Variants in KCNC1 observed in about 807,000 individuals in gnomAD.
KCNC1 encodes voltage-gated potassium channel KCNC1.
A neutral mutation model predicts 43.4 loss-of-function variants in KCNC1; 8 were observed. That is an observed-to-expected ratio of 0.18 (90% confidence interval 0.11 to 0.33). The LOEUF is 0.33. KCNC1 is among the 10% of genes least tolerant of loss of function. KCNC1 has a pLI of 1.00. For synonymous variants in KCNC1, 361 were observed against 360.5 expected (o/e 1.00, Z -0.01); for missense variants, 420 against 836.0 (o/e 0.50, Z 6.14).
intron 1 of KCNC1, among the ~76,000 whole-genome samples, chr11:17,760,683 C>G (rs1347228343): frequency 3.3e-5 from 5 of 152,210 alleles, no homozygotes; most frequent in African/African-American, 1.2e-4. Context: ...TGCCACCTCG[C>G]ATGGTGGGAC....
In KCNC1 at chr11:17,782,613, C is replaced by A. The variant is rs1446155032; in HGVS notation, c.*879C>A. 1 of 152,198 alleles carries A rather than the reference C, an allele frequency of 6.6e-6. No individual in the cohort carries two copies. Among genetic ancestry groups the A allele is most frequent in the African/African-American group, 2.4e-5 (1 of 41,452 alleles). The allele number at this position is 152,198 out of a possible 1,614,324, so 9.4% of individuals were successfully genotyped here. A position where few individuals can be genotyped will look rare whatever the true frequency, so the allele number is the denominator to read the frequency against. On this transcript the variant is annotated 3_prime_UTR_variant, in exon 4 of 4. Coordinates refer to ENST00000265969, the MANE Select transcript of KCNC1 (RefSeq NM_001112741.2). ...TCAGGACCACGGGAGGAGCAGCCTC[C>A]TCCACCTTTACTAAGGCACAACCTG... is the stretch of plus-strand genomic sequence containing the variant.
rs559308874 is a variant in KCNC1 at position 17,739,765 on chromosome 11, G to A, written c.570+3193G>A. 6.6e-6 allele frequency among the ~76,000 whole-genome samples: 1 copy of A among 152,134 alleles called. No individual in the cohort carries two copies. The highest frequency in any genetic ancestry group is 1.9e-4 in the East Asian group (1 of 5,170). ...TGGGGGTCCCTGTGTGTGACAGACTGTATGTGAAGGTGTGTGTAAGACAGA... is the reference window on the plus strand; with the variant it reads ...TGGGGGTCCCTGTGTGTGACAGACTATATGTGAAGGTGTGTGTAAGACAGA... On this transcript the variant is annotated intron_variant, in intron 1 of 3. Transcript: ENST00000265969. This position sits in a 1 kb window ranked among gnomAD's most constrained non-coding sequence, Gnocchi z 4.2.
chr11:17,753,076 C>G (rs1848986319), intron 1 of KCNC1, among the ~76,000 whole-genome samples: 1 of 152,246 alleles, frequency 6.6e-6, no homozygotes, highest in African/African-American at 2.4e-5. Context: ...CCTCCGTTGA[C>G]TTGCATGCAG....
intron 1 of KCNC1, among the ~76,000 whole-genome samples, chr11:17,763,704 C>A (rs1286824014): frequency 3.3e-5 from 4 of 119,642 alleles, no homozygotes; most frequent in African/African-American, 6.3e-5. Flanking sequence ...ACACCCTCAC[C>A]CACACACACC....
Position 17,779,876 on chromosome 11 carries a change from G to A in KCNC1, c.1693+232G>A. 5.0e-6 allele frequency: 2 copies of A among 403,210 alleles called. No homozygotes were observed. The highest frequency in any genetic ancestry group is 2.0e-5 in the African/African-American group (1 of 48,840). The allele number at this position is 403,210 out of a possible 1,614,324, so 25.0% of individuals were successfully genotyped here. ...GGCCCTGGCAGCTGTGGGTTGCTGGGAGTTGAGAGGGGATTGGACAGGTTG... is the reference window on the plus strand; with the variant it reads ...GGCCCTGGCAGCTGTGGGTTGCTGGAAGTTGAGAGGGGATTGGACAGGTTG... On this transcript the variant is annotated intron_variant, in intron 3 of 3. Transcript: ENST00000265969. The surrounding 1 kb of genome is among the most constrained non-coding windows in gnomAD (Gnocchi z 7.2).
chr11:17,740,936 C>G (rs543948570), intron 1 of KCNC1, among the ~76,000 whole-genome samples: 1 of 152,292 alleles, frequency 6.6e-6, no homozygotes, highest in Non-Finnish European at 1.5e-5. Flanking sequence ...CCAGCCGACA[C>G]AGGGCTCTTG....
At chr11:17,764,282 C>T (rs967421010) in intron 1 of KCNC1, among the ~76,000 whole-genome samples, 2 of 129,576 alleles carry the variant, frequency 1.5e-5, no homozygotes, top group Non-Finnish European at 1.5e-5. Context: ...AAGTTCCATA[C>T]ACACACTCAC....
At chr11:17,754,561 G>C (rs2299635) in intron 1 of KCNC1, among the ~76,000 whole-genome samples, 83,406 of 152,058 alleles carry the variant, frequency 0.55, 24,461 homozygotes, top group East Asian at 0.9. Context: ...ACTAGAGGGA[G>C]TGAGGCAAGT....
At chr11:17,762,648 G>C (rs1277226998) in intron 1 of KCNC1, among the ~76,000 whole-genome samples, 5 of 152,180 alleles carry the variant, frequency 3.3e-5, no homozygotes, top group Admixed American at 3.3e-4. Context: ...GGGCCTGAGG[G>C]ATGAGAGGGG....
rs2133808810 is a variant in KCNC1, at chr11:17,777,013, G to A, written c.1505-2443G>A. On this transcript the variant is annotated intron_variant, in intron 2 of 3. Transcript: ENST00000265969. The surrounding 1 kb of genome is among the most constrained non-coding windows in gnomAD (Gnocchi z 4.3). ...GCAGTAGGCCCTAGGGGTGTCCCGG[G>A]AATCCCCCAGGAGGGAAAGGTGCCA... 2 of 985,424 alleles carry A rather than the reference G, an allele frequency of 2.0e-6. No individual in the cohort carries two copies. Among genetic ancestry groups the A allele is most frequent in the South Asian group, 4.7e-5 (1 of 21,284 alleles). The allele number at this position is 985,424 out of a possible 1,614,324, so 61.0% of individuals were successfully genotyped here.
Position 17,779,454 on chromosome 11 carries a change from A to G in KCNC1, c.1505-2A>G. 1 of 1,540,484 alleles carries G rather than the reference A, an allele frequency of 6.5e-7. No homozygotes were observed. Among genetic ancestry groups the G allele is most frequent in the Non-Finnish European group, 8.8e-7 (1 of 1,142,342 alleles). ...CAATAGCTTCTGCTTATATGTTTGAAGATTCCAAACTGAATGGGGAGGTGG... is the reference window on the plus strand; with the variant it reads ...CAATAGCTTCTGCTTATATGTTTGAGGATTCCAAACTGAATGGGGAGGTGG... On this transcript the variant is annotated splice_acceptor_variant, in intron 2 of 3. Coordinates refer to ENST00000265969, the MANE Select transcript of KCNC1 (RefSeq NM_001112741.2). LOFTEE classifies it high-confidence loss of function. The surrounding 1 kb of genome is among the most constrained non-coding windows in gnomAD (Gnocchi z 7.2).
chr11:17,774,012 C>A (rs781363115), intron 2 of KCNC1: 22 of 985,412 alleles, frequency 2.2e-5, no homozygotes, highest in Non-Finnish European at 2.5e-5. Flanking sequence ...TGACCCACCA[C>A]CCCATCCCAA....
Position 17,735,920 on chromosome 11 carries a change from G to C in KCNC1, c.-83G>C. 1.5e-6 allele frequency: 2 copies of C among 1,361,870 alleles called. No homozygotes were observed. The highest frequency in any genetic ancestry group is 9.4e-7 in the Non-Finnish European group (1 of 1,060,054). 84.4% of individuals were successfully genotyped at this position (1,361,870 alleles called of 1,614,324 possible). ...GGGGGGAGGGGGGAAGAGGGCGCGC[G>C]CCCCCCTCCCCGGCGCCAACTCCCC... is the stretch of plus-strand genomic sequence containing the variant. On this transcript the variant is annotated 5_prime_UTR_variant, in exon 1 of 4. Transcript: ENST00000265969. This position sits in a 1 kb window ranked among gnomAD's most constrained non-coding sequence, Gnocchi z 6.7.
At chr11:17,746,065 A>C (rs1360451555) in intron 1 of KCNC1, among the ~76,000 whole-genome samples, 1 of 152,220 alleles carries the variant, frequency 6.6e-6, no homozygotes, top group Non-Finnish European at 1.5e-5. Flanking sequence ...TGAAAGAAAG[A>C]ATAAGCAAGT....
At chr11:17,754,046 A>T (rs1288417318) in intron 1 of KCNC1, among the ~76,000 whole-genome samples, 1 of 152,228 alleles carries the variant, frequency 6.6e-6, no homozygotes, top group Admixed American at 6.5e-5. Flanking sequence ...AATGACATGC[A>T]TCACTCATGT....
chr11:17,745,560 G>A (rs1486166303), intron 1 of KCNC1, among the ~76,000 whole-genome samples: 1 of 152,136 alleles, frequency 6.6e-6, no homozygotes, highest in East Asian at 1.9e-4. Context: ...ATCGGACCAA[G>A]TCAGCCCTCC....
intron 1 of KCNC1, among the ~76,000 whole-genome samples, chr11:17,741,327 T>C (rs748312410): frequency 4.6e-5 from 7 of 150,812 alleles, no homozygotes; most frequent in African/African-American, 7.3e-5. Flanking sequence ...CCTCACGAGG[T>C]TGGTGTGAAG....
chr11:17,772,462 AAAG>A lies in KCNC1; in HGVS notation c.1372_1374del (p.Lys458del). The stretch of plus-strand genomic sequence containing the variant: ...CTAAGCAGAAACTACCAAAGAAAAA[AAAG>A]AAGCATATTCCGCGGCCACCGCAGC... On this transcript the variant is annotated inframe_deletion, in exon 2 of 4. Coordinates refer to ENST00000265969, the MANE Select transcript of KCNC1 (RefSeq NM_001112741.2). 1.9e-6 allele frequency: 3 copies of A among 1,614,200 alleles called. No homozygotes were observed. Among genetic ancestry groups the A allele is most frequent in the Middle Eastern group, 1.6e-4 (1 of 6,062 alleles).
At chr11:17,774,999 A>C (rs1036378920) in intron 2 of KCNC1, 1 of 985,084 alleles carries the variant, frequency 1.0e-6, no homozygotes, top group Non-Finnish European at 1.2e-6. Context: ...TGCACCCCAG[A>C]GTTCTTCCCA....
Sources: gnomAD v4.1 joint callset for allele counts (sites outside exome capture counted in the v4.1 genomes callset) on GRCh38, gnomAD v4.1.1 for gene constraint, Gnocchi (gnomAD v3.1) non-coding constraint, MANE v1.5 for transcripts, NCBI Gene and HGNC (gene_info 2026-07-23, HGNC 2026-07-21) for gene names.